The following E2F3 variants were observed in gnomAD, a reference collection of about 807,000 sequenced individuals.
E2F3 encodes E2F transcription factor 3, also known as transcription factor E2F3.
Under a neutral mutation model 44.4 loss-of-function variants are expected in E2F3, and 11 were observed. The ratio of observed to expected loss-of-function variants is 0.25; its 90% CI spans 0.16 to 0.41. E2F3 has a LOEUF of 0.41. Among genes scored for constraint, E2F3 ranks in the 10% least tolerant of loss-of-function variants. The probability of loss-of-function intolerance (pLI) is 1.00; values close to 1 mark genes in which losing one functional copy is unlikely to be tolerated. For synonymous variants in E2F3, 249 were observed against 253.0 expected, an observed-to-expected ratio of 0.98 and a Z score of 0.15; for missense variants, 487 against 583.6, an observed-to-expected ratio of 0.83 and a Z score of 1.70.
chr6:20,421,370 A>G (rs566306645), intron 1 of E2F3, among the ~76,000 whole-genome samples: 23 of 152,342 alleles, frequency 1.5e-4, no homozygotes, highest in Non-Finnish European at 2.9e-4. Flanking sequence ...TATGGCAGCT[A>G]TAACCTTACA....
At chr6:20,468,257 T>G (rs1761778188) in intron 1 of E2F3, among the ~76,000 whole-genome samples, 1 of 152,196 alleles carries the variant, frequency 6.6e-6, no homozygotes, top group Non-Finnish European at 1.5e-5. Flanking sequence ...CTGATGCCAG[T>G]TGCAAGCCCC....
At chr6:20,430,634 T>C (rs918082813) in intron 1 of E2F3, among the ~76,000 whole-genome samples, 1 of 152,090 alleles carries the variant, frequency 6.6e-6, no homozygotes, top group East Asian at 1.9e-4. Context: ...GAGAGAAAAA[T>C]CCTTTTTATG....
At chr6:20,467,141 G>A (rs1761741307) in intron 1 of E2F3, among the ~76,000 whole-genome samples, 1 of 152,142 alleles carries the variant, frequency 6.6e-6, no homozygotes, top group African/African-American at 2.4e-5. Context: ...AACTGAGCAA[G>A]TACATCTCAT....
At chr6:20,411,454 C>T (rs1329232861) in intron 1 of E2F3, among the ~76,000 whole-genome samples, 3 of 152,184 alleles carry the variant, frequency 2.0e-5, no homozygotes, top group African/African-American at 4.8e-5. Flanking sequence ...CCTTCCCCTT[C>T]GCCTTGCCCT....
rs553431353 is a variant in E2F3, at chr6:20,493,233, G to T, written c.*2803G>T. 4.8e-4 allele frequency: 108 copies of T among 226,570 alleles called. No individual in the cohort carries two copies. The highest frequency in any genetic ancestry group is 1.3e-3 in the Middle Eastern group (1 of 746). The allele number at this position is 226,570 out of a possible 1,614,324, so 14.0% of individuals were successfully genotyped here. A position where few individuals can be genotyped will look rare whatever the true frequency, so the allele number is the denominator to read the frequency against. ...TTTTGTTTTTGTTTTTCTGTTCTTT[G>T]TTGTGGCTCTTGTTTTCATTTTTGT... On this transcript the variant is annotated 3_prime_UTR_variant, in exon 7 of 7. Transcript: ENST00000346618.
At chr6:20,424,338 ACTTGAAATGCC>A (rs1178030986) in intron 1 of E2F3, among the ~76,000 whole-genome samples, 1 of 140,634 alleles carries the variant, frequency 7.1e-6, no homozygotes, top group Admixed American at 7.3e-5. Context: ...CCACGCATGC[ACTTGAAATGCC>A]CTTTTCTCAG....
At chr6:20,474,805 C>T (rs1321712670) in intron 1 of E2F3, among the ~76,000 whole-genome samples, 1 of 152,222 alleles carries the variant, frequency 6.6e-6, no homozygotes, top group African/African-American at 2.4e-5. Flanking sequence ...CTAATTATTG[C>T]ACCCATGTTC....
At chr6:20,478,399 G>C (rs1762113405) in intron 1 of E2F3, among the ~76,000 whole-genome samples, 1 of 152,214 alleles carries the variant, frequency 6.6e-6, no homozygotes. Context: ...GTAACCAGTG[G>C]CTATCGTAGT....
At chr6:20,444,148 C>T (rs1760862876) in intron 1 of E2F3, among the ~76,000 whole-genome samples, 1 of 152,114 alleles carries the variant, frequency 6.6e-6, no homozygotes. Context: ...GTGTTTGTGC[C>T]TCTACACTCT....
intron 1 of E2F3, among the ~76,000 whole-genome samples, chr6:20,457,219 G>T (rs1761334992): frequency 1.3e-5 from 2 of 151,780 alleles, no homozygotes; most frequent in Admixed American, 1.3e-4. Context: ...CTGTTGCCCA[G>T]GCTGGAGTAC....
intron 1 of E2F3, among the ~76,000 whole-genome samples, chr6:20,404,817 G>T (rs1032064791): frequency 2.0e-5 from 3 of 152,136 alleles, no homozygotes; most frequent in Admixed American, 6.5e-5. Flanking sequence ...GTTTTCAGTC[G>T]CAAGAATATT....
chr6:20,437,979 A>G (rs1418131391), intron 1 of E2F3: 1 of 152,234 alleles, frequency 6.6e-6, no homozygotes, highest in African/African-American at 2.4e-5. Flanking sequence ...TGTGATGGCG[A>G]ATACCACAGA....
chr6:20,474,550 T>C (rs1489077900), intron 1 of E2F3, among the ~76,000 whole-genome samples: 2 of 152,050 alleles, frequency 1.3e-5, no homozygotes, highest in Non-Finnish European at 2.9e-5. Flanking sequence ...TGAATACCTC[T>C]CCAATCAGTA....
rs374735073 is a variant in E2F3 at position 20,466,270 on chromosome 6, G to A, written c.394-13576G>A. On this transcript the variant is annotated intron_variant, in intron 1 of 6. Coordinates refer to ENST00000346618, the MANE Select transcript of E2F3 (RefSeq NM_001949.5). The stretch of plus-strand genomic sequence containing the variant: ...TGGGACTACTCATGCACACCACCAC[G>A]CCCGGCTACTTTTTGTATTTTTGGT... 6.5e-4 allele frequency among the ~76,000 whole-genome samples: 99 copies of A among 152,144 alleles called. No homozygotes were observed. In the South Asian group the frequency reaches 0.019, roughly 30 times the overall value.
chr6:20,478,756 G>A (rs1297147912), intron 1 of E2F3, among the ~76,000 whole-genome samples: 1 of 152,124 alleles, frequency 6.6e-6, no homozygotes, highest in Admixed American at 6.6e-5. Context: ...GTTGCAGTGA[G>A]CCAAGATCGC....
At chr6:20,419,517 G>T (rs923926546) in intron 1 of E2F3, among the ~76,000 whole-genome samples, 1 of 151,606 alleles carries the variant, frequency 6.6e-6, no homozygotes, top group Non-Finnish European at 1.5e-5. Context: ...GCTCATGCTA[G>T]ATAGTACCTC....
At chr6:20,439,396 C>T (rs890836142) in intron 1 of E2F3, among the ~76,000 whole-genome samples, 1 of 152,104 alleles carries the variant, frequency 6.6e-6, no homozygotes, top group African/African-American at 2.4e-5. Flanking sequence ...CTTACTGAGA[C>T]GTTTTGTTTG....
intron 1 of E2F3, among the ~76,000 whole-genome samples, chr6:20,466,018 C>A (rs1761692171): frequency 6.6e-6 from 1 of 152,046 alleles, no homozygotes; most frequent in South Asian, 2.1e-4. Context: ...TTTAAGGAAT[C>A]CCCACACTGT....
In E2F3 at chr6:20,468,318, G is replaced by A. The variant is rs1046890178; in HGVS notation, c.394-11528G>A. Among the ~76,000 whole-genome samples, 7 of 152,164 alleles carry A rather than the reference G, an allele frequency of 4.6e-5. No individual in the cohort carries two copies. The East Asian group carries it at 9.6e-4, about 21-fold the overall frequency. On this transcript the variant is annotated intron_variant, in intron 1 of 6. Transcript: ENST00000346618. ...CAACCTGCTGTAAATCGGGGTTCCC[G>A]CGGCCCATTCCTCAGATTCAGTTAA... is the stretch of plus-strand genomic sequence containing the variant.
Sources: gnomAD v4.1 joint callset for allele counts (sites outside exome capture counted in the v4.1 genomes callset) on GRCh38, gnomAD v4.1.1 for gene constraint, MANE v1.5 for transcripts, NCBI Gene and HGNC (gene_info 2026-07-23, HGNC 2026-07-21) for gene names.